Variants in NPFFR1 observed in about 807,000 individuals in gnomAD.
NPFFR1 encodes neuropeptide FF receptor 1.
Under a neutral mutation model 12.7 loss-of-function variants are expected in NPFFR1, and 17 were observed. The observed-to-expected ratio is 1.34, with a 90% CI of 0.92 to 2.01. NPFFR1 has a LOEUF of 2.01. Among genes scored for constraint, NPFFR1 ranks in the 30% most tolerant of loss-of-function variants. The pLI, the probability that NPFFR1 is intolerant of heterozygous loss-of-function variation, is 0.00. For synonymous variants in NPFFR1, 296 were observed against 264.5 expected, an observed-to-expected ratio of 1.12 and a Z score of -1.16; for missense variants, 604 against 606.5, an observed-to-expected ratio of 1.00 and a Z score of 0.04.
At chr10:70,264,851 T>C (rs1257297241) in intron 2 of NPFFR1, among the ~76,000 whole-genome samples, 8 of 152,232 alleles carry the variant, frequency 5.3e-5, no homozygotes, top group Admixed American at 3.3e-4. Flanking sequence ...TTTTATGTAT[T>C]CAAACAATAT....
intron 1 of NPFFR1, among the ~76,000 whole-genome samples, chr10:70,272,940 G>A (rs1124940): frequency 0.91 from 138,469 of 152,338 alleles, 63,013 homozygotes; most frequent in East Asian, 1. Context: ...TAAAAAGTGT[G>A]CGTTTATGTG....
Position 70,267,425 on chromosome 10 carries a change from A to AT in NPFFR1, c.8-1035dup, listed in dbSNP as rs34894485. ...ATTAGCCTCATTTGTTTTCTTTTGTATTTTTTTTAAACCCTCATTGAATTA... is the reference window on the plus strand; with the variant it reads ...ATTAGCCTCATTTGTTTTCTTTTGTATTTTTTTTTAAACCCTCATTGAATTA... On this transcript the variant is annotated intron_variant, in intron 1 of 3. Transcript: ENST00000277942. Among the ~76,000 whole-genome samples, 1,271 of 151,850 alleles carry AT rather than the reference A, an allele frequency of 8.4e-3. 11 individuals carry two copies. Among genetic ancestry groups the AT allele is most frequent in the African/African-American group, 0.021 (859 of 41,394 alleles).
At chr10:70,271,406 T>C (rs889768001) in intron 1 of NPFFR1, among the ~76,000 whole-genome samples, 1 of 151,878 alleles carries the variant, frequency 6.6e-6, no homozygotes, top group African/African-American at 2.4e-5. Context: ...CCAGCTACTC[T>C]GGAGGTTGAG....
chr10:70,266,416 C>A, intron 1 of NPFFR1, 25 bp from the exon 2 acceptor site: 2 of 1,574,960 alleles, frequency 1.3e-6, no homozygotes, highest in South Asian at 2.3e-5. Context: ...ATATATTGGT[C>A]AGGACCTTAG....
rs932212264 is a variant in NPFFR1, at chr10:70,250,339, T to C, written c.*4618A>G. The C allele has an allele frequency of 4.6e-5, 7 of 152,220 alleles. No homozygotes were observed. The highest frequency in any genetic ancestry group is 1.2e-4 in the African/African-American group (5 of 41,456). 9.4% of individuals were successfully genotyped at this position (152,220 alleles called of 1,614,324 possible). On this transcript the variant is annotated 3_prime_UTR_variant, in exon 4 of 4. Transcript: ENST00000277942. ...TGGAAAGCACTTTGGCAGTTTCTTA[T>C]ACAGTTAAATTTTACACAGACCATG...
intron 1 of NPFFR1, among the ~76,000 whole-genome samples, chr10:70,281,369 C>A (rs1354221828): frequency 6.6e-6 from 1 of 152,136 alleles, no homozygotes. Flanking sequence ...GATAGAACCC[C>A]CCAGTTGCCC....
intron 2 of NPFFR1, among the ~76,000 whole-genome samples, chr10:70,265,222 T>C (rs952923924): frequency 1.3e-5 from 2 of 152,190 alleles, no homozygotes; most frequent in African/African-American, 2.4e-5. Context: ...TGAATAGGGC[T>C]GTCCAGGCTC....
chr10:70,280,774 C>T (rs756408699), intron 1 of NPFFR1, among the ~76,000 whole-genome samples: 6 of 152,090 alleles, frequency 3.9e-5, no homozygotes, highest in Admixed American at 1.3e-4. Context: ...AGGGCCGAGG[C>T]GGGCAGATCA....
rs1840469617 is a variant in NPFFR1, at chr10:70,248,213, AC to A, written c.*6743del. The A allele has an allele frequency of 6.6e-6, 1 of 151,950 alleles. No homozygotes were observed. Among genetic ancestry groups the A allele is most frequent in the South Asian group, 2.1e-4 (1 of 4,800 alleles). The allele number at this position is 151,950 out of a possible 1,614,324, so 9.4% of individuals were successfully genotyped here. On this transcript the variant is annotated 3_prime_UTR_variant, in exon 4 of 4. Coordinates refer to ENST00000277942, the MANE Select transcript of NPFFR1 (RefSeq NM_022146.5). Reference sequence around the variant, plus strand: ...ACCTTCAGGACCTCCTGGTTATATAACCTCCAGTAAGTTACTTTACTTCTCT... The same window carrying A: ...ACCTTCAGGACCTCCTGGTTATATAACTCCAGTAAGTTACTTTACTTCTCT...
At chr10:70,259,797 C>T (rs1475368056) in intron 3 of NPFFR1, among the ~76,000 whole-genome samples, 1 of 152,244 alleles carries the variant, frequency 6.6e-6, no homozygotes, top group Admixed American at 6.5e-5. Flanking sequence ...TAAGCTTTTA[C>T]AAGCAGGAGC....
chr10:70,269,633 T>C (rs1198407548), intron 1 of NPFFR1, among the ~76,000 whole-genome samples: 1 of 151,858 alleles, frequency 6.6e-6, no homozygotes, highest in Non-Finnish European at 1.5e-5. Context: ...TGCCGTAGCC[T>C]CCTGAGTAGC....
chr10:70,270,242 A>G (rs1027788836), intron 1 of NPFFR1, among the ~76,000 whole-genome samples: 3 of 152,228 alleles, frequency 2.0e-5, no homozygotes, highest in Non-Finnish European at 4.4e-5. Flanking sequence ...GTGGATCCTT[A>G]TATCAGGTGA....
At chr10:70,258,681 A>T (rs1840602002) in intron 3 of NPFFR1, among the ~76,000 whole-genome samples, 1 of 152,210 alleles carries the variant, frequency 6.6e-6, no homozygotes, top group African/African-American at 2.4e-5. Flanking sequence ...ATTCCCCAGA[A>T]TGGCTTCTGT....
chr10:70,252,023 C>A lies in NPFFR1; in HGVS notation c.*2934G>T, dbSNP rs1259236957. On this transcript the variant is annotated 3_prime_UTR_variant, in exon 4 of 4. Coordinates refer to ENST00000277942, the MANE Select transcript of NPFFR1 (RefSeq NM_022146.5). ...AGTTGGGAGAGACCCTGGTTCCCAA[C>A]CTGGGGTCTCTGTCCTCAGGATTCA... 6.6e-6 allele frequency: 1 copy of A among 152,188 alleles called. No homozygotes were observed. The highest frequency in any genetic ancestry group is 1.5e-5 in the Non-Finnish European group (1 of 68,038). 9.4% of individuals were successfully genotyped at this position (152,188 alleles called of 1,614,324 possible).
Position 70,250,041 on chromosome 10 carries a change from G to A in NPFFR1, c.*4916C>T, listed in dbSNP as rs1425125781. 4 of 151,504 alleles carry A rather than the reference G, an allele frequency of 2.6e-5. No homozygotes were observed. Among genetic ancestry groups the A allele is most frequent in the Non-Finnish European group, 5.9e-5 (4 of 68,032 alleles). 9.4% of individuals were successfully genotyped at this position (151,504 alleles called of 1,614,324 possible). On this transcript the variant is annotated 3_prime_UTR_variant, in exon 4 of 4. Coordinates refer to ENST00000277942, the MANE Select transcript of NPFFR1 (RefSeq NM_022146.5). ...TTCTCGTGTCTCAGCCTCCCAAGTA[G>A]CTGGGACTACAGGTGTGTGCCACCA...
chr10:70,280,322 T>C (rs1399919060), intron 1 of NPFFR1, among the ~76,000 whole-genome samples: 1 of 152,232 alleles, frequency 6.6e-6, no homozygotes, highest in Non-Finnish European at 1.5e-5. Context: ...ATAATGACTG[T>C]GCAAATTTAT....
intron 1 of NPFFR1, among the ~76,000 whole-genome samples, chr10:70,266,796 A>AC (rs780791208): frequency 2.3e-4 from 35 of 152,208 alleles, no homozygotes; most frequent in Non-Finnish European, 4.3e-4. Context: ...GGGCAGGAGC[A>AC]GAGAGAGAGG....
rs77100291 is a variant in NPFFR1 at position 70,260,754 on chromosome 10, GC to G, written c.323-16del. ...GAAGGGCCACCCTGCAATGACAGAGGCCCCCACAGAGTGAGAGATGCCCACG... is the reference window on the plus strand; with the variant it reads ...GAAGGGCCACCCTGCAATGACAGAGGCCCCACAGAGTGAGAGATGCCCACG... On this transcript the variant is annotated splice_polypyrimidine_tract_variant and intron_variant, in intron 2 of 3. Transcript: ENST00000277942. 7.5e-3 allele frequency: 11,762 copies of G among 1,577,060 alleles called. 664 individuals are homozygous for G. The Admixed American group carries it at 0.12, about 16-fold the overall frequency.
chr10:70,268,702 T>C (rs899272202), intron 1 of NPFFR1, among the ~76,000 whole-genome samples: 3 of 146,442 alleles, frequency 2.0e-5, no homozygotes, highest in South Asian at 2.3e-4. Flanking sequence ...AGAACAGTGG[T>C]CTCAGGGTTC....
Sources: gnomAD v4.1 joint callset for allele counts (sites outside exome capture counted in the v4.1 genomes callset) on GRCh38, gnomAD v4.1.1 for gene constraint, MANE v1.5 for transcripts, NCBI Gene and HGNC (gene_info 2026-07-23, HGNC 2026-07-21) for gene names.